The following NOD2 variants were observed in gnomAD, a reference collection of about 807,000 sequenced individuals.
NOD2 encodes the protein nucleotide binding oligomerization domain containing 2.
NOD2 carries 86 observed loss-of-function variants against 90.9 expected under a neutral mutation model. The ratio of observed to expected loss-of-function variants is 0.95; its 90% CI spans 0.79 to 1.13. The LOEUF is 1.13. Ranked by LOEUF, NOD2 falls within the 50% of genes most tolerant of loss-of-function variation. The pLI, the probability that NOD2 is intolerant of heterozygous loss-of-function variation, is 0.00. For synonymous variants in NOD2, 581 were observed against 554.6 expected (o/e 1.05, Z -0.67); for missense variants, 1,238 against 1,283.8 (o/e 0.96, Z 0.55).
At chr16:50,704,709 G>A (rs1964106590) in intron 2 of NOD2, among the ~76,000 whole-genome samples, 3 of 151,948 alleles carry the variant, frequency 2.0e-5, no homozygotes, top group Middle Eastern at 6.8e-3. Flanking sequence ...GTAGAGATGG[G>A]GTTTTGCTAT....
At chr16:50,717,681 A>C (rs1964862561) in intron 6 of NOD2, among the ~76,000 whole-genome samples, 1 of 152,236 alleles carries the variant, frequency 6.6e-6, no homozygotes, top group South Asian at 2.1e-4. Flanking sequence ...CACATAGCTC[A>C]GTCTCGGCAA....
intron 11 of NOD2, among the ~76,000 whole-genome samples, chr16:50,730,754 C>G (rs1965425600): frequency 6.6e-6 from 1 of 152,206 alleles, no homozygotes; most frequent in African/African-American, 2.4e-5. Context: ...TGGCTGACTG[C>G]AGATCCACCA....
chr16:50,726,688 C>T (rs1965277759), intron 10 of NOD2, among the ~76,000 whole-genome samples: 1 of 152,194 alleles, frequency 6.6e-6, no homozygotes, highest in African/African-American at 2.4e-5. Context: ...GGCAATGAGG[C>T]TGGGGTTGGT....
At position 50,732,250 on chromosome 16, in the gene NOD2, C is replaced by A; in HGVS notation, c.*431C>A. On this transcript the variant is annotated 3_prime_UTR_variant, in exon 12 of 12. Coordinates refer to ENST00000647318, the MANE Select transcript of NOD2 (RefSeq NM_001370466.1). ...CTGATGAAGAGGAGTACACAGAACA[C>A]ATAATTCAGGAAGCAGCTTTCCCCA... 3.9e-6 allele frequency: 1 copy of A among 254,344 alleles called. No homozygotes were observed. The allele number at this position is 254,344 out of a possible 1,614,324, so 15.8% of individuals were successfully genotyped here.
At chr16:50,720,044 G>T in intron 7 of NOD2, 36 bp downstream of exon 7, 2 of 1,583,386 alleles carry the variant, frequency 1.3e-6, no homozygotes, top group Admixed American at 3.3e-5. Context: ...CCTGCATGGA[G>T]GGGCTTGGGA....
At chr16:50,729,285 A>G (rs76689881) in intron 10 of NOD2, 1,926 of 189,034 alleles carry the variant, frequency 0.01, 44 homozygotes, top group African/African-American at 0.043. Context: ...GCATGCAGAG[A>G]GTGGTGGGTC....
intron 4 of NOD2, 153 bp downstream of exon 4, chr16:50,712,526 T>A: frequency 1.1e-6 from 1 of 882,148 alleles, no homozygotes; most frequent in Non-Finnish European, 1.8e-6. Context: ...TTCTGGGCCT[T>A]AATTTCAATA....
At chr16:50,714,993 C>T (rs1964718260) in intron 4 of NOD2, among the ~76,000 whole-genome samples, 1 of 152,192 alleles carries the variant, frequency 6.6e-6, no homozygotes, top group African/African-American at 2.4e-5. Context: ...CTGTTCTGTT[C>T]TATTTCCATT....
chr16:50,709,770 C>T (rs141795834), intron 3 of NOD2, among the ~76,000 whole-genome samples: 14 of 152,266 alleles, frequency 9.2e-5, no homozygotes, highest in Non-Finnish European at 1.8e-4. Flanking sequence ...TCTGAGAATC[C>T]GGACATGGAC....
Position 50,710,909 on chromosome 16 carries a change from G to T in NOD2, c.917G>T (p.Cys306Phe). ...QEFLFVFPFS[C>F]RQLQCMAKPL... The stretch of plus-strand genomic sequence containing the variant: ...TTTCTCTTTGTCTTCCCATTCAGCT[G>T]CCGGCAGCTGCAGTGCATGGCCAAA... Residue 306 changes from cysteine (C) to phenylalanine (F), a missense_variant, in exon 4 of 12, where the codon TGC (cysteine) becomes TTC (phenylalanine). This residue lies in a region of NOD2 where 567 missense variants were observed against 577.3 expected (regional missense o/e 0.98). Transcript: ENST00000647318. 1 of 1,614,188 alleles carries T rather than the reference G, an allele frequency of 6.2e-7. No homozygotes were observed.
chr16:50,712,922 A>G, intron 4 of NOD2: 1 of 169,904 alleles, frequency 5.9e-6, no homozygotes, highest in South Asian at 1.3e-4. Flanking sequence ...TGGGAATTTC[A>G]GGACCCAAGA....
intron 2 of NOD2, among the ~76,000 whole-genome samples, chr16:50,702,182 C>T (rs528778065): frequency 1.3e-5 from 2 of 152,296 alleles, no homozygotes; most frequent in Admixed American, 1.3e-4. Context: ...AATCCTCCTC[C>T]CTCGGCTTCC....
chr16:50,714,369 C>T (rs952203496), intron 4 of NOD2, among the ~76,000 whole-genome samples: 9 of 152,106 alleles, frequency 5.9e-5, no homozygotes, highest in Non-Finnish European at 1.3e-4. Flanking sequence ...TAGTGATTCC[C>T]ATTCAGTAGG....
chr16:50,729,850 C>A lies in NOD2; in HGVS notation c.2918C>A (p.Ala973Glu), dbSNP rs1394673170. 1 of 1,613,126 alleles carries A rather than the reference C, an allele frequency of 6.2e-7. No individual in the cohort carries two copies. The highest frequency in any genetic ancestry group is 8.5e-7 in the Non-Finnish European group (1 of 1,179,234). Residue 973 changes from alanine to glutamate, a missense_variant, in exon 11 of 12, where the codon GCA becomes GAA. This residue lies in a region of NOD2 where 667 missense variants were observed against 688.7 expected (regional missense o/e 0.97). Transcript: ENST00000647318. ...AATAACTGCATCACCTACCTAGGGGCAGAAGCCCTCCTGCAGGCCCTTGAA... is the reference window on the plus strand; with the variant it reads ...AATAACTGCATCACCTACCTAGGGGAAGAAGCCCTCCTGCAGGCCCTTGAA... ...LSNNCITYLGAEALLQALERN... is the reference protein window; with the variant it reads ...LSNNCITYLGEEALLQALERN...
At chr16:50,694,255 A>G (rs978560078) in intron 1 of NOD2, among the ~76,000 whole-genome samples, 17 of 151,962 alleles carry the variant, frequency 1.1e-4, no homozygotes, top group Admixed American at 1.1e-3. Flanking sequence ...CCTGCTTCTG[A>G]GTTTGCTCTT....
chr16:50,702,459 T>G (rs1161333990), intron 2 of NOD2, among the ~76,000 whole-genome samples: 1 of 152,198 alleles, frequency 6.6e-6, no homozygotes, highest in African/African-American at 2.4e-5. Flanking sequence ...GTGACTCTGA[T>G]TTGGTGGCCT....
At position 50,705,358 on chromosome 16, in the gene NOD2, CT is replaced by C. The variant is rs1202767750; in HGVS notation, c.460-2492del. ...CTACAAGTTTCTTTCCCCTTCCCCC[CT>C]TTTTGGCTTCTATCTCCCACATTAG... On this transcript the variant is annotated intron_variant, in intron 2 of 11. Transcript: ENST00000647318. Among the ~76,000 whole-genome samples the C allele has an allele frequency of 3.3e-5, 5 of 152,296 alleles. No homozygotes were observed. In the South Asian group the frequency reaches 8.3e-4, roughly 25 times the overall value.
chr16:50,713,884 T>C (rs898033030), intron 4 of NOD2, among the ~76,000 whole-genome samples: 1 of 152,118 alleles, frequency 6.6e-6, no homozygotes, highest in Non-Finnish European at 1.5e-5. Context: ...GGCTGTCTGC[T>C]GGAGTAGTCC....
chr16:50,706,347 G>A (rs1333890151), intron 2 of NOD2, among the ~76,000 whole-genome samples: 3 of 152,182 alleles, frequency 2.0e-5, no homozygotes, highest in South Asian at 2.1e-4. Context: ...AAATAGGGAC[G>A]CTATTGGGAC....
Sources: gnomAD v4.1 joint callset for allele counts (sites outside exome capture counted in the v4.1 genomes callset) on GRCh38, gnomAD v4.1.1 for gene constraint, gnomAD v4.1.1 regional missense constraint, MANE v1.5 for transcripts, NCBI Gene and HGNC (gene_info 2026-07-23, HGNC 2026-07-21) for gene names.